ERBB4: variants seen among roughly 807,000 people sequenced by gnomAD.
ERBB4 encodes receptor tyrosine-protein kinase erbB-4.
A neutral mutation model predicts 158.0 loss-of-function variants in ERBB4; 42 were observed. The observed-to-expected ratio is 0.27, with a 90% CI of 0.21 to 0.34. The LOEUF (loss-of-function observed/expected upper bound fraction) is 0.34. Among genes scored for constraint, ERBB4 ranks in the 10% least tolerant of loss-of-function variants. The pLI, the probability that ERBB4 is intolerant of heterozygous loss-of-function variation, is 1.00. For synonymous variants in ERBB4, 583 were observed against 558.7 expected, an observed-to-expected ratio of 1.04 and a Z score of -0.61; for missense variants, 1,333 against 1,624.1, an observed-to-expected ratio of 0.82 and a Z score of 3.08.
intron 16 of ERBB4, among the ~76,000 whole-genome samples, chr2:211,650,553 T>C (rs2070943961): frequency 6.6e-6 from 1 of 152,110 alleles, no homozygotes; most frequent in African/African-American, 2.4e-5. Flanking sequence ...CTGTAACCCA[T>C]TGAAGCTGAT....
intron 1 of ERBB4, among the ~76,000 whole-genome samples, chr2:212,367,787 A>G (rs2089943923): frequency 6.6e-6 from 1 of 152,134 alleles, no homozygotes; most frequent in African/African-American, 2.4e-5. Context: ...ATGAATAGAC[A>G]ATTTTCAAAA....
At chr2:211,989,568 T>C (rs2082020454) in intron 2 of ERBB4, among the ~76,000 whole-genome samples, 2 of 152,088 alleles carry the variant, frequency 1.3e-5, no homozygotes, top group Admixed American at 6.6e-5. Flanking sequence ...GTCCCCTTTT[T>C]CAATTATGCT....
In ERBB4 at chr2:211,561,396, T is replaced by G. The variant is rs113466209; in HGVS notation, c.2487+507A>C. ...GAACACTGCCCTTATATATGTGACA[T>G]GCCTAAGCCTTTGTGTAAGACTAAA... is the stretch of plus-strand genomic sequence containing the variant. On this transcript the variant is annotated intron_variant, in intron 20 of 27. Coordinates refer to ENST00000342788, the MANE Select transcript of ERBB4 (RefSeq NM_005235.3). Among the ~76,000 whole-genome samples the G allele has an allele frequency of 2.6e-3, 392 of 152,284 alleles. 3 individuals are homozygous for G. Among genetic ancestry groups the G allele is most frequent in the African/African-American group, 8.9e-3 (371 of 41,550 alleles).
In ERBB4 at chr2:212,504,363, C is replaced by A. The variant is rs369806352; in HGVS notation, c.82+34086G>T. On this transcript the variant is annotated intron_variant, in intron 1 of 27. Coordinates refer to ENST00000342788, the MANE Select transcript of ERBB4 (RefSeq NM_005235.3). ...AATAACTAGTATAGCAAGATTTCAG[C>A]CCCCTAAATTAGTATTCCTTAAAGG... Among the ~76,000 whole-genome samples, 34 of 152,056 alleles carry A rather than the reference C, an allele frequency of 2.2e-4. 1 individual carries two copies. The South Asian group carries it at 7.1e-3, about 32-fold the overall frequency.
chr2:211,809,196 C>G (rs1221600470), intron 3 of ERBB4, among the ~76,000 whole-genome samples: 3 of 151,520 alleles, frequency 2.0e-5, no homozygotes, highest in African/African-American at 7.3e-5. Flanking sequence ...GGGCATCCCT[C>G]TCTTCATAAA....
At chr2:211,861,094 A>AT (rs1559585731) in intron 3 of ERBB4, among the ~76,000 whole-genome samples, 718 of 48,648 alleles carry the variant, frequency 0.015, 88 homozygotes, top group Non-Finnish European at 0.02. Context: ...TAAAATATAT[A>AT]AATACATTAT....
At chr2:211,922,726 T>C (rs2079890597) in intron 3 of ERBB4, among the ~76,000 whole-genome samples, 1 of 152,080 alleles carries the variant, frequency 6.6e-6, no homozygotes, top group Non-Finnish European at 1.5e-5. Context: ...TGATGGAGAA[T>C]CTCATTTATA....
At chr2:211,890,464 C>A (rs181431490) in intron 3 of ERBB4, among the ~76,000 whole-genome samples, 11 of 152,090 alleles carry the variant, frequency 7.2e-5, no homozygotes, top group East Asian at 3.9e-4. Context: ...CCAAAATGTA[C>A]AGACCATCGA....
intron 5 of ERBB4, 133 bp downstream of exon 5, chr2:211,750,506 G>C: frequency 1.3e-6 from 1 of 771,092 alleles, no homozygotes; most frequent in Non-Finnish European, 2.3e-6. Flanking sequence ...TAGTTTTCTT[G>C]GCCCAAAGCA....
intron 1 of ERBB4, among the ~76,000 whole-genome samples, chr2:212,468,144 T>C (rs898602062): frequency 6.6e-6 from 1 of 152,190 alleles, no homozygotes; most frequent in African/African-American, 2.4e-5. Flanking sequence ...TACAGGCTCA[T>C]AGGCAGAAGG....
At chr2:212,342,881 A>C (rs1458629585) in intron 1 of ERBB4, among the ~76,000 whole-genome samples, 1 of 152,196 alleles carries the variant, frequency 6.6e-6, no homozygotes, top group Non-Finnish European at 1.5e-5. Context: ...CTTCTGATCT[A>C]TGAGTAAATA....
rs886738080 is a variant in ERBB4, at chr2:212,322,247, G to A, written c.83-197344C>T. ...GCCTGGGTTCTAGACATGTGACTTC[G>A]GGCAAATAACTTCACCAACTTGATC... On this transcript the variant is annotated intron_variant, in intron 1 of 27. Transcript: ENST00000342788. Among the ~76,000 whole-genome samples the A allele has an allele frequency of 2.7e-5, 4 of 150,130 alleles. 1 individual carries two copies. The highest frequency in any genetic ancestry group is 6.0e-5 in the Non-Finnish European group (4 of 66,986).
chr2:212,522,209 G>A (rs370076836), intron 1 of ERBB4, among the ~76,000 whole-genome samples: 10 of 151,926 alleles, frequency 6.6e-5, no homozygotes, highest in East Asian at 5.8e-4. Flanking sequence ...TAATTTCTCC[G>A]AGCTTCTGTT....
rs539530263 is a variant in ERBB4, at chr2:211,959,749, G to T, written c.235-12133C>A. Among the ~76,000 whole-genome samples the T allele has an allele frequency of 1.3e-4, 20 of 152,160 alleles. 1 individual carries two copies. The South Asian group carries it at 3.5e-3, about 27-fold the overall frequency. On this transcript the variant is annotated intron_variant, in intron 2 of 27. Transcript: ENST00000342788. ...ATATCACCTTTTTGCCTATTTTGGT[G>T]TCATTCATTCAGCAATCTGTACTTG... is the stretch of plus-strand genomic sequence containing the variant.
intron 2 of ERBB4, among the ~76,000 whole-genome samples, chr2:212,003,173 GAA>G (rs1237718912): frequency 2.8e-5 from 1 of 35,400 alleles, no homozygotes; most frequent in Non-Finnish European, 9.4e-5. Flanking sequence ...AAGAAAGAAA[GAA>G]AGAAAGAAAG....
At chr2:212,335,081 T>C (rs1183283020) in intron 1 of ERBB4, among the ~76,000 whole-genome samples, 1 of 152,002 alleles carries the variant, frequency 6.6e-6, no homozygotes, top group South Asian at 2.1e-4. Context: ...ATGAGAGCTA[T>C]TCTGTAAAAC....
At chr2:212,425,739 C>T (rs370775762) in intron 1 of ERBB4, among the ~76,000 whole-genome samples, 1 of 151,884 alleles carries the variant, frequency 6.6e-6, no homozygotes, top group East Asian at 1.9e-4. Context: ...ATAAAGTGAT[C>T]TATCAATGAA....
chr2:212,277,148 A>T (rs2085570572), intron 1 of ERBB4, among the ~76,000 whole-genome samples: 1 of 151,812 alleles, frequency 6.6e-6, no homozygotes, highest in Non-Finnish European at 1.5e-5. Flanking sequence ...TATATTAGAA[A>T]TAAGTTGACA....
At chr2:212,288,546 T>C (rs1247585358) in intron 1 of ERBB4, among the ~76,000 whole-genome samples, 5 of 152,088 alleles carry the variant, frequency 3.3e-5, no homozygotes, top group Non-Finnish European at 7.4e-5. Flanking sequence ...TGGCCTCTCC[T>C]GTTGCAGCAT....
Sources: gnomAD v4.1 joint callset for allele counts (sites outside exome capture counted in the v4.1 genomes callset) on GRCh38, gnomAD v4.1.1 for gene constraint, MANE v1.5 for transcripts, NCBI Gene and HGNC (gene_info 2026-07-23, HGNC 2026-07-21) for gene names.